SEPTIN9: variants seen among roughly 807,000 people sequenced by gnomAD.
SEPTIN9 encodes the protein septin-9.
In SEPTIN9, 13 loss-of-function variants were observed where a neutral mutation model predicts 56.6. That is an observed-to-expected ratio of 0.23 (90% CI 0.15 to 0.37). The LOEUF is 0.37. Ranked by LOEUF, SEPTIN9 falls within the 10% of genes least tolerant of loss-of-function variation. The pLI is 1.00. For missense variants in SEPTIN9, 650 were observed against 823.1 expected (o/e 0.79, Z 2.57); for synonymous variants, 332 against 334.1 (o/e 0.99, Z 0.07).
intron 2 of SEPTIN9, among the ~76,000 whole-genome samples, chr17:77,360,282 A>C (rs978281286): frequency 1.3e-5 from 2 of 152,098 alleles, no homozygotes; most frequent in African/African-American, 2.4e-5. Context: ...TGATTGGGTC[A>C]GCCTGCCAGT....
chr17:77,390,720 G>A (rs1344631181), intron 2 of SEPTIN9, among the ~76,000 whole-genome samples: 2 of 152,138 alleles, frequency 1.3e-5, no homozygotes, highest in Non-Finnish European at 2.9e-5. Flanking sequence ...CAAAGTGCTG[G>A]GATTACAGGC....
intron 1 of SEPTIN9, among the ~76,000 whole-genome samples, chr17:77,296,335 A>AGATG (rs542986795): frequency 2.7e-3 from 407 of 152,266 alleles, no homozygotes; most frequent in Middle Eastern, 0.017. Flanking sequence ...AGCCAATAGG[A>AGATG]GATGGATGGA....
chr17:77,383,481 A>G (rs1568027398), intron 2 of SEPTIN9, among the ~76,000 whole-genome samples: 1 of 149,994 alleles, frequency 6.7e-6, no homozygotes, highest in Non-Finnish European at 1.5e-5. Flanking sequence ...TCACTCCCCC[A>G]CTGTGGAGAC....
At chr17:77,455,802 G>C (rs944765318) in intron 3 of SEPTIN9, among the ~76,000 whole-genome samples, 4 of 152,238 alleles carry the variant, frequency 2.6e-5, no homozygotes, top group Non-Finnish European at 4.4e-5. Flanking sequence ...TGTGACCGCA[G>C]ATTTTCAACT....
At chr17:77,439,175 C>G (rs2037457146) in intron 3 of SEPTIN9, among the ~76,000 whole-genome samples, 2 of 152,164 alleles carry the variant, frequency 1.3e-5, no homozygotes, top group South Asian at 2.1e-4. Context: ...CTAGATAGCC[C>G]AGTTCCTGCT....
At chr17:77,324,517 G>A (rs1959181677) in intron 2 of SEPTIN9, among the ~76,000 whole-genome samples, 2 of 152,188 alleles carry the variant, frequency 1.3e-5, no homozygotes, top group South Asian at 4.1e-4. Context: ...CTCCCCACCA[G>A]GCGTCTTCCT....
chr17:77,353,805 C>T (rs2034135643), intron 2 of SEPTIN9, among the ~76,000 whole-genome samples: 2 of 152,214 alleles, frequency 1.3e-5, no homozygotes, highest in South Asian at 4.1e-4. Flanking sequence ...GCTCCAACAT[C>T]TTAATGAAAC....
Position 77,498,595 on chromosome 17 carries a change from C to T in SEPTIN9, c.1698C>T (p.Asn566=), listed in dbSNP as rs546339887. The T allele has an allele frequency of 3.7e-5, 59 of 1,609,028 alleles. No homozygotes were observed. The highest frequency in any genetic ancestry group is 6.7e-5 in the African/African-American group (5 of 74,618). ...HFEAYRVKRL[N]EGSSAMANGM... ...AGGCGTACCGTGTGAAGCGCCTCAACGAGGGCAGCAGCGCCATGGCCAACG... is the reference window on the plus strand; with the variant it reads ...AGGCGTACCGTGTGAAGCGCCTCAATGAGGGCAGCAGCGCCATGGCCAACG... The change falls in exon 12 of 12, where the codon AAC becomes AAT. Residue 566 remains asparagine (N), a synonymous_variant. Coordinates refer to ENST00000427177, the MANE Select transcript of SEPTIN9 (RefSeq NM_001113491.2).
rs201513926 is a variant in SEPTIN9 at position 77,436,922 on chromosome 17, A to G, written c.721+34219A>G. Among the ~76,000 whole-genome samples, 34 of 152,344 alleles carry G rather than the reference A, an allele frequency of 2.2e-4. 1 individual carries two copies. In the East Asian group the frequency reaches 5.4e-3, roughly 24 times the overall value. The stretch of plus-strand genomic sequence containing the variant: ...CATTGGGAAGCTGGGATTTAGAAGC[A>G]TTGTTTGGGGTGGTGAGTGGAAGAT... On this transcript the variant is annotated intron_variant, in intron 3 of 11. Coordinates refer to ENST00000427177, the MANE Select transcript of SEPTIN9 (RefSeq NM_001113491.2). This position sits in a 1 kb window ranked among gnomAD's most constrained non-coding sequence, Gnocchi z 4.4.
At position 77,421,725 on chromosome 17, in the gene SEPTIN9, C is replaced by T. The variant is rs2036710116; in HGVS notation, c.721+19022C>T. Among the ~76,000 whole-genome samples, 1 of 152,176 alleles carries T rather than the reference C, an allele frequency of 6.6e-6. No individual in the cohort carries two copies. Among genetic ancestry groups the T allele is most frequent in the African/African-American group, 2.4e-5 (1 of 41,428 alleles). ...GCCTCGGCCGACGTCTTTCCCCAGG[C>T]ACTTCCTCTCACCGTGCCAGGGTGC... On this transcript the variant is annotated intron_variant, in intron 3 of 11. Transcript: ENST00000427177. The surrounding 1 kb of genome is among the most constrained non-coding windows in gnomAD (Gnocchi z 4.6).
rs1023579078 is a variant in SEPTIN9, at chr17:77,425,008, C to T, written c.721+22305C>T. On this transcript the variant is annotated intron_variant, in intron 3 of 11. Transcript: ENST00000427177. This position sits in a 1 kb window ranked among gnomAD's most constrained non-coding sequence, Gnocchi z 4.2. ...GTAGGGTGAGGGTAACCAGGACTTA[C>T]GCATAGTTGGGCGAAGTCGAGTGAC... 3.9e-5 allele frequency among the ~76,000 whole-genome samples: 6 copies of T among 152,204 alleles called. No homozygotes were observed. Among genetic ancestry groups the T allele is most frequent in the East Asian group, 1.9e-4 (1 of 5,192 alleles).
Position 77,457,238 on chromosome 17 carries a change from G to A in SEPTIN9, c.722-24906G>A, listed in dbSNP as rs796208805. Among the ~76,000 whole-genome samples the A allele has an allele frequency of 9.2e-5, 14 of 152,226 alleles. 2 individuals carry two copies. Among genetic ancestry groups the A allele is most frequent in the African/African-American group, 2.6e-4 (11 of 41,518 alleles). Reference sequence around the variant, plus strand: ...CAGCCTCGGCCCTCGCTCTGGCTGCGTACCGAGAGTCCCATGCCCAGACCT... The same window carrying A: ...CAGCCTCGGCCCTCGCTCTGGCTGCATACCGAGAGTCCCATGCCCAGACCT... On this transcript the variant is annotated intron_variant, in intron 3 of 11. Coordinates refer to ENST00000427177, the MANE Select transcript of SEPTIN9 (RefSeq NM_001113491.2).
rs1167616655 is a variant in SEPTIN9, at chr17:77,436,424, T to C, written c.721+33721T>C. On this transcript the variant is annotated intron_variant, in intron 3 of 11. Transcript: ENST00000427177. This position sits in a 1 kb window ranked among gnomAD's most constrained non-coding sequence, Gnocchi z 4.4. Reference sequence around the variant, plus strand: ...ATGGAGTGAATGTGAGATTCATTACTGGGATTTGGCAAAGCAAAGAGCCTC... The same window carrying C: ...ATGGAGTGAATGTGAGATTCATTACCGGGATTTGGCAAAGCAAAGAGCCTC... Among the ~76,000 whole-genome samples, 1 of 151,650 alleles carries C rather than the reference T, an allele frequency of 6.6e-6. No homozygotes were observed. The highest frequency in any genetic ancestry group is 1.5e-5 in the Non-Finnish European group (1 of 67,908).
rs1390863891 is a variant in SEPTIN9, at chr17:77,421,887, C to T, written c.721+19184C>T. Among the ~76,000 whole-genome samples the T allele has an allele frequency of 2.0e-5, 3 of 152,080 alleles. No homozygotes were observed. Among genetic ancestry groups the T allele is most frequent in the Admixed American group, 6.6e-5 (1 of 15,264 alleles). ...TTTTTTTGAGACGGTCTCTCTCTGT[C>T]GCCCAGGCTGGAGTTCAATGGCCCA... On this transcript the variant is annotated intron_variant, in intron 3 of 11. Transcript: ENST00000427177. This position sits in a 1 kb window ranked among gnomAD's most constrained non-coding sequence, Gnocchi z 4.6.
At chr17:77,345,891 T>C (rs1463219683) in intron 2 of SEPTIN9, among the ~76,000 whole-genome samples, 3 of 152,264 alleles carry the variant, frequency 2.0e-5, no homozygotes, top group East Asian at 3.9e-4. Context: ...AGGCAATACA[T>C]GGGTAACTGG....
At chr17:77,481,029 G>A (rs1468940551) in intron 3 of SEPTIN9, among the ~76,000 whole-genome samples, 3 of 152,192 alleles carry the variant, frequency 2.0e-5, no homozygotes, top group African/African-American at 7.2e-5. Flanking sequence ...AGTGAGTGTG[G>A]CGAGTCTGAG....
At chr17:77,352,654 C>T (rs1030268060) in intron 2 of SEPTIN9, among the ~76,000 whole-genome samples, 6 of 151,994 alleles carry the variant, frequency 3.9e-5, no homozygotes, top group Non-Finnish European at 7.4e-5. Flanking sequence ...CCAAACTGCC[C>T]TCTCTGTTGT....
intron 3 of SEPTIN9, among the ~76,000 whole-genome samples, chr17:77,415,750 C>T (rs1251414406): frequency 6.6e-6 from 1 of 152,216 alleles, no homozygotes; most frequent in East Asian, 1.9e-4. Flanking sequence ...CTGGAGCTGA[C>T]GTGCGACCAA....
intron 2 of SEPTIN9, among the ~76,000 whole-genome samples, chr17:77,357,253 A>G (rs749079672): frequency 3.9e-5 from 6 of 152,170 alleles, no homozygotes; most frequent in Non-Finnish European, 5.9e-5. Flanking sequence ...GAAGAAGAAC[A>G]AGGACACATC....
Sources: gnomAD v4.1 joint callset for allele counts (sites outside exome capture counted in the v4.1 genomes callset) on GRCh38, gnomAD v4.1.1 for gene constraint, Gnocchi (gnomAD v3.1) non-coding constraint, MANE v1.5 for transcripts, NCBI Gene and HGNC (gene_info 2026-07-23, HGNC 2026-07-21) for gene names.